PCDHGB1: variants seen among roughly 807,000 people sequenced by gnomAD.
PCDHGB1 encodes the protein protocadherin gamma-B1.
A neutral mutation model predicts 56.6 loss-of-function variants in PCDHGB1; 34 were observed. The observed-to-expected ratio is 0.60, with a 90% confidence interval of 0.46 to 0.80. PCDHGB1 has a LOEUF of 0.80. PCDHGB1 is among the 30% of genes least tolerant of loss of function. PCDHGB1 has a pLI of 0.00. For synonymous variants in PCDHGB1, 561 were observed against 505.9 expected, an observed-to-expected ratio of 1.11 and a Z score of -1.46; for missense variants, 1,278 against 1,204.6, an observed-to-expected ratio of 1.06 and a Z score of -0.90.
rs1390827495 is a variant in PCDHGB1, at chr5:141,351,970, C to T, written c.1710C>T (p.Leu570=). Residue 570 remains leucine, a synonymous_variant, in exon 1 of 4, where the codon CTC becomes CTT. Transcript: ENST00000523390. ...CGCTGGGGCCTGATGGCTCCGCCCT[C>T]TTCGATATGGTGCCACGCGCCGCAG... The part of the protein sequence containing the change: ...YPALGPDGSA[L]FDMVPRAAEP... 3.1e-6 allele frequency: 5 copies of T among 1,612,584 alleles called. No homozygotes were observed. The highest frequency in any genetic ancestry group is 1.7e-5 in the Admixed American group (1 of 60,000).
Position 141,477,919 on chromosome 5 carries a change from G to A in PCDHGB1, c.2410-16888G>A. 2.5e-6 allele frequency: 4 copies of A among 1,614,162 alleles called. No individual in the cohort carries two copies. The highest frequency in any genetic ancestry group is 8.5e-7 in the Non-Finnish European group (1 of 1,180,026). The stretch of plus-strand genomic sequence containing the variant: ...TGGTAGGCTGGGACGCGGATGCAGG[G>A]CACAATGCCTGGCTCTCCTACAGTC... On this transcript the variant is annotated intron_variant, in intron 1 of 3. Transcript: ENST00000523390. The surrounding 1 kb of genome is among the most constrained non-coding windows in gnomAD (Gnocchi z 4.9).
At chr5:141,355,079 A>G in intron 1 of PCDHGB1, 1 of 1,415,968 alleles carries the variant, frequency 7.1e-7, no homozygotes, top group Non-Finnish European at 9.4e-7. Context: ...GAAAGCTTCA[A>G]GCGGAAGCCC....
chr5:141,459,486 G>A (rs764885682), intron 1 of PCDHGB1, among the ~76,000 whole-genome samples: 8 of 152,154 alleles, frequency 5.3e-5, no homozygotes, highest in Admixed American at 3.9e-4. Context: ...GTGCTATTCT[G>A]AATTAAAGTG....
At position 141,400,271 on chromosome 5, in the gene PCDHGB1, C is replaced by A. The variant is rs2093993934; in HGVS notation, c.2409+47602C>A. The A allele has an allele frequency of 4.3e-6, 7 of 1,614,094 alleles. No individual in the cohort carries two copies. In the African/African-American group the frequency reaches 9.3e-5, roughly 21 times the overall value. The stretch of plus-strand genomic sequence containing the variant: ...GTTGCCTTGCGCCTGCGACGCTCCT[C>A]CAGCCCTGCCGCCTGGAGCTGCTTC... On this transcript the variant is annotated intron_variant, in intron 1 of 3. Transcript: ENST00000523390.
At position 141,383,936 on chromosome 5, in the gene PCDHGB1, A is replaced by C. The variant is rs563490528; in HGVS notation, c.2409+31267A>C. ...TTAGATGTAAATGATAATGCTCCAG[A>C]AGTGACTATGACGTCTTTAAGTAGC... On this transcript the variant is annotated intron_variant, in intron 1 of 3. Transcript: ENST00000523390. The C allele has an allele frequency of 1.9e-6, 3 of 1,613,936 alleles. No individual in the cohort carries two copies. In the East Asian group the frequency reaches 6.7e-5, roughly 36 times the overall value.
intron 1 of PCDHGB1, chr5:141,371,015 TCAC>T: frequency 1.9e-6 from 3 of 1,613,966 alleles, no homozygotes; most frequent in Non-Finnish European, 2.5e-6. Flanking sequence ...AGCAGCCACA[TCAC>T]CACCTGGTCC....
intron 1 of PCDHGB1, among the ~76,000 whole-genome samples, chr5:141,481,105 T>C (rs1357970765): frequency 6.6e-6 from 1 of 152,188 alleles, no homozygotes; most frequent in Non-Finnish European, 1.5e-5. Flanking sequence ...CTCTGGAACC[T>C]ACCAATCCAT....
At position 141,512,045 on chromosome 5, in the gene PCDHGB1, C is replaced by T. The variant is rs568357347; in HGVS notation, c.*872C>T. On this transcript the variant is annotated 3_prime_UTR_variant, in exon 4 of 4. Transcript: ENST00000523390. ...GGCCTTGGAGGAGGCTCTGTATGTC[C>T]TCAGGGGACTGACAACATCCTCCAG... The T allele has an allele frequency of 1.5e-3, 224 of 152,846 alleles. 2 individuals are homozygous for T. The highest frequency in any genetic ancestry group is 4.6e-4 in the Non-Finnish European group (31 of 68,130). The allele number at this position is 152,846 out of a possible 1,614,324, so 9.5% of individuals were successfully genotyped here. A position where few individuals can be genotyped will look rare whatever the true frequency, so the allele number is the denominator to read the frequency against.
At chr5:141,458,217 T>C (rs1026901943) in intron 1 of PCDHGB1, among the ~76,000 whole-genome samples, 1 of 152,210 alleles carries the variant, frequency 6.6e-6, no homozygotes, top group Admixed American at 6.5e-5. Context: ...AAAATAAGTT[T>C]CCTTTCCCAG....
At chr5:141,494,190 G>GAGAA (rs2099752701) in intron 1 of PCDHGB1, among the ~76,000 whole-genome samples, 1 of 152,186 alleles carries the variant, frequency 6.6e-6, no homozygotes, top group Non-Finnish European at 1.5e-5. Flanking sequence ...CCCGGGACTT[G>GAGAA]GATGCCCCGC....
At chr5:141,415,205 C>A (rs2095843771) in intron 1 of PCDHGB1, 2 of 1,614,040 alleles carry the variant, frequency 1.2e-6, no homozygotes, top group Non-Finnish European at 1.7e-6. Context: ...CAAGTCCTGG[C>A]GGACCTCGGC....
At position 141,354,389 on chromosome 5, in the gene PCDHGB1, C is replaced by T. The variant is rs971076627; in HGVS notation, c.2409+1720C>T. ...AGATAGTCATATGCATAGCTTGTGG[C>T]CAAGAATCTACTGTACACAAAATTA... On this transcript the variant is annotated intron_variant, in intron 1 of 3. Coordinates refer to ENST00000523390, the MANE Select transcript of PCDHGB1 (RefSeq NM_018922.3). Among the ~76,000 whole-genome samples the T allele has an allele frequency of 2.0e-5, 3 of 152,144 alleles. 1 individual carries two copies. The South Asian group carries it at 6.2e-4, about 32-fold the overall frequency.
chr5:141,399,751 G>A (rs564705346), intron 1 of PCDHGB1: 3 of 1,613,322 alleles, frequency 1.9e-6, no homozygotes, highest in Admixed American at 3.3e-5. Context: ...CAGCGCAAAC[G>A]TGAGCCTGCG....
At chr5:141,399,063 A>G (rs762517133) in intron 1 of PCDHGB1, 1 of 1,613,714 alleles carries the variant, frequency 6.2e-7, no homozygotes, top group South Asian at 1.1e-5. Flanking sequence ...AGGAATATTC[A>G]ATGGTTGTAG....
intron 1 of PCDHGB1, chr5:141,385,077 G>A (rs752305852): frequency 9.9e-6 from 16 of 1,614,096 alleles, no homozygotes; most frequent in Non-Finnish European, 1.4e-5. Flanking sequence ...GCCTGCTGCA[G>A]GCTTCAGAAG....
At chr5:141,403,300 G>C (rs1469024873) in intron 1 of PCDHGB1, 4 of 1,613,892 alleles carry the variant, frequency 2.5e-6, no homozygotes, top group Non-Finnish European at 3.4e-6. Context: ...GAGTGAAACT[G>C]TACGGAATAG....
chr5:141,487,297 C>A lies in PCDHGB1; in HGVS notation c.2410-7510C>A. ...TTTGCTTTGTCTCCTTTGGCTCATT[C>A]GTGGCACTACTCTCTAAGTGTCTTC... is the stretch of plus-strand genomic sequence containing the variant. On this transcript the variant is annotated intron_variant, in intron 1 of 3. Transcript: ENST00000523390. This position sits in a 1 kb window ranked among gnomAD's most constrained non-coding sequence, Gnocchi z 5.0. 1 of 1,614,102 alleles carries A rather than the reference C, an allele frequency of 6.2e-7. No homozygotes were observed. The highest frequency in any genetic ancestry group is 8.5e-7 in the Non-Finnish European group (1 of 1,180,002).
intron 1 of PCDHGB1, among the ~76,000 whole-genome samples, chr5:141,370,010 T>A (rs1325355528): frequency 6.6e-6 from 1 of 152,172 alleles, no homozygotes; most frequent in African/African-American, 2.4e-5. Context: ...TTAAAAGAAA[T>A]AACAGACTAA....
chr5:141,508,535 C>A (rs1294413041), intron 3 of PCDHGB1, among the ~76,000 whole-genome samples: 1 of 152,172 alleles, frequency 6.6e-6, no homozygotes, highest in Non-Finnish European at 1.5e-5. Context: ...GGGCACCCCC[C>A]ACGAGGTGGG....
Sources: allele counts gnomAD v4.1 joint callset (sites outside exome capture counted in the v4.1 genomes callset), GRCh38; gene constraint gnomAD v4.1.1; non-coding constraint Gnocchi (gnomAD v3.1); transcripts MANE v1.5; gene names NCBI Gene and HGNC (gene_info 2026-07-23, HGNC 2026-07-21).